The following FUT9 variants were observed in gnomAD, a reference collection of about 807,000 sequenced individuals.
The protein encoded by FUT9 is fucosyltransferase 9.
In FUT9, 15 loss-of-function variants were observed where a neutral mutation model predicts 29.7. That is an observed-to-expected ratio of 0.51 (90% CI 0.34 to 0.78). The LOEUF (loss-of-function observed/expected upper bound fraction) is 0.78, where lower values mean the gene tolerates loss of function less well. FUT9 is among the 30% of genes least tolerant of loss of function. The pLI is 0.01. For missense variants in FUT9, 319 were observed against 425.4 expected (o/e 0.75, Z 2.20); for synonymous variants, 169 against 153.7 (o/e 1.10, Z -0.74).
At chr6:96,059,908 T>G (rs1770843230) in intron 1 of FUT9, among the ~76,000 whole-genome samples, 1 of 152,194 alleles carries the variant, frequency 6.6e-6, no homozygotes, top group South Asian at 2.1e-4. Context: ...TAGAATAGGC[T>G]TATCAAGGTG....
At chr6:96,197,642 A>C (rs1246356961) in intron 2 of FUT9, among the ~76,000 whole-genome samples, 1 of 152,194 alleles carries the variant, frequency 6.6e-6, no homozygotes, top group Non-Finnish European at 1.5e-5. Flanking sequence ...ATACACAAAA[A>C]AATAGTAAAT....
intron 2 of FUT9, among the ~76,000 whole-genome samples, chr6:96,135,638 G>T (rs1772334511): frequency 6.6e-6 from 1 of 151,962 alleles, no homozygotes; most frequent in Admixed American, 6.6e-5. Flanking sequence ...GGAAAAAAAA[G>T]GTACCGGGGG....
At chr6:96,030,994 T>C (rs1192103177) in intron 1 of FUT9, among the ~76,000 whole-genome samples, 1 of 151,534 alleles carries the variant, frequency 6.6e-6, no homozygotes, top group Admixed American at 6.6e-5. Flanking sequence ...AACTGTGCTA[T>C]ATCTGGATAT....
rs887892051 is a variant in FUT9, at chr6:96,203,954, C to T, written c.799C>T (p.Pro267Ser). The change falls in exon 3 of 3, where the codon CCT (proline) becomes TCT (serine). Residue 267 changes from proline to serine, a missense_variant. By Grantham distance (74) the Pro-to-Ser change is moderately conservative. Coordinates refer to ENST00000302103, the MANE Select transcript of FUT9 (RefSeq NM_006581.4). ...LYNAFLAGSV[P>S]VVLGPSRENY... is the part of the protein sequence containing the mutation. ...CAATGCTTTTCTGGCTGGCTCTGTA[C>T]CTGTTGTTCTGGGACCATCTAGGGA... 2 of 1,613,296 alleles carry T rather than the reference C, an allele frequency of 1.2e-6. No individual in the cohort carries two copies. The highest frequency in any genetic ancestry group is 1.7e-6 in the Non-Finnish European group (2 of 1,179,472).
intron 1 of FUT9, among the ~76,000 whole-genome samples, chr6:96,102,577 T>C (rs532458089): frequency 6.6e-6 from 1 of 152,286 alleles, no homozygotes; most frequent in African/African-American, 2.4e-5. Flanking sequence ...TTGAGACACA[T>C]TTTGCTACAA....
intron 2 of FUT9, among the ~76,000 whole-genome samples, chr6:96,160,604 T>C (rs1056492064): frequency 6.6e-6 from 1 of 152,168 alleles, no homozygotes; most frequent in African/African-American, 2.4e-5. Flanking sequence ...ACTTGAAGAT[T>C]CATTAAATTG....
intron 1 of FUT9, among the ~76,000 whole-genome samples, chr6:96,068,952 C>A (rs1771007191): frequency 6.6e-6 from 1 of 152,130 alleles, no homozygotes; most frequent in Non-Finnish European, 1.5e-5. Flanking sequence ...TTTTTGTACG[C>A]AGATAATAAC....
At chr6:96,023,010 G>C (rs780800908) in intron 1 of FUT9, among the ~76,000 whole-genome samples, 7 of 151,844 alleles carry the variant, frequency 4.6e-5, no homozygotes, top group Non-Finnish European at 1.0e-4. Flanking sequence ...GTTAATTAGG[G>C]ATGTGGGACC....
chr6:96,074,292 C>A (rs1029266790), intron 1 of FUT9, among the ~76,000 whole-genome samples: 20 of 152,118 alleles, frequency 1.3e-4, no homozygotes, highest in African/African-American at 4.6e-4. Flanking sequence ...AAAAATAAAA[C>A]ACAGCATTTA....
chr6:96,025,185 A>T (rs1291777361), intron 1 of FUT9, among the ~76,000 whole-genome samples: 1 of 151,750 alleles, frequency 6.6e-6, no homozygotes, highest in Non-Finnish European at 1.5e-5. Context: ...AAGAGGGTAG[A>T]AGCTTCTGCC....
intron 1 of FUT9, among the ~76,000 whole-genome samples, chr6:96,041,770 T>C (rs1770464943): frequency 1.3e-5 from 2 of 152,232 alleles, no homozygotes; most frequent in Non-Finnish European, 1.5e-5. Flanking sequence ...ATATCTACAG[T>C]CACCATTTCT....
At chr6:96,074,728 T>C (rs1033525260) in intron 1 of FUT9, among the ~76,000 whole-genome samples, 1 of 152,170 alleles carries the variant, frequency 6.6e-6, no homozygotes, top group Admixed American at 6.5e-5. Flanking sequence ...ATATTGTCAC[T>C]GTATAAAATA....
At chr6:96,103,593 G>A (rs967123073) in intron 1 of FUT9, among the ~76,000 whole-genome samples, 1 of 152,052 alleles carries the variant, frequency 6.6e-6, no homozygotes, top group Non-Finnish European at 1.5e-5. Context: ...CTATCTTCTG[G>A]TGGTTGCTAG....
At position 96,163,390 on chromosome 6, in the gene FUT9, G is replaced by T. The variant is rs1203936001; in HGVS notation, c.-8-39758G>T. ...CTTCTATATTTGAGTTATTGCGGATGAACTGTAACCTAGCTTAATAGGCAG... is the reference window on the plus strand; with the variant it reads ...CTTCTATATTTGAGTTATTGCGGATTAACTGTAACCTAGCTTAATAGGCAG... On this transcript the variant is annotated intron_variant, in intron 2 of 2. Coordinates refer to ENST00000302103, the MANE Select transcript of FUT9 (RefSeq NM_006581.4). 2.0e-5 allele frequency among the ~76,000 whole-genome samples: 3 copies of T among 151,392 alleles called. No homozygotes were observed. The East Asian group carries it at 5.8e-4, about 29-fold the overall frequency.
chr6:96,114,824 A>T (rs1771880761), intron 2 of FUT9, among the ~76,000 whole-genome samples: 1 of 152,190 alleles, frequency 6.6e-6, no homozygotes, highest in Non-Finnish European at 1.5e-5. Flanking sequence ...AGAAAGAAAT[A>T]AAACAGCCCA....
At chr6:96,143,995 A>G (rs950671035) in intron 2 of FUT9, among the ~76,000 whole-genome samples, 2 of 152,214 alleles carry the variant, frequency 1.3e-5, no homozygotes, top group South Asian at 2.1e-4. Flanking sequence ...AAGTCTTCCC[A>G]GATAAAATAG....
intron 1 of FUT9, among the ~76,000 whole-genome samples, chr6:96,069,715 T>C (rs989876528): frequency 4.0e-5 from 6 of 151,844 alleles, no homozygotes; most frequent in African/African-American, 1.5e-4. Flanking sequence ...CACTGCAACA[T>C]CCACCTCCCA....
chr6:96,094,426 TTTCTTTAATGA>T (rs1383840789), intron 1 of FUT9, among the ~76,000 whole-genome samples: 1 of 152,140 alleles, frequency 6.6e-6, no homozygotes, highest in Non-Finnish European at 1.5e-5. Flanking sequence ...CATAAAGCAC[TTTCTTTAATGA>T]AAAAGTGAAA....
rs563755920 is a variant in FUT9, at chr6:96,152,155, G to T, written c.-9+38028G>T. The stretch of plus-strand genomic sequence containing the variant: ...TCTTTTAAAGTCTGGTGCTACCCAG[G>T]ATTCTGTCTTTGATCATAGGCTTAT... On this transcript the variant is annotated intron_variant, in intron 2 of 2. Coordinates refer to ENST00000302103, the MANE Select transcript of FUT9 (RefSeq NM_006581.4). 3.9e-5 allele frequency among the ~76,000 whole-genome samples: 6 copies of T among 152,268 alleles called. No individual in the cohort carries two copies. In the East Asian group the frequency reaches 1.2e-3, roughly 29 times the overall value.
Sources: gnomAD v4.1 joint callset for allele counts (sites outside exome capture counted in the v4.1 genomes callset) on GRCh38, gnomAD v4.1.1 for gene constraint, MANE v1.5 for transcripts, NCBI Gene and HGNC (gene_info 2026-07-23, HGNC 2026-07-21) for gene names.